Variants in SUCLG2 observed in about 807,000 individuals in gnomAD.
SUCLG2 encodes the protein succinate--CoA ligase [GDP-forming] subunit beta, mitochondrial.
SUCLG2 carries 42 observed loss-of-function variants against 47.9 expected under a neutral mutation model. The ratio of observed to expected loss-of-function variants is 0.88; its 90% CI spans 0.69 to 1.14. The LOEUF is 1.14. Ranked by LOEUF, SUCLG2 falls within the 50% of genes most tolerant of loss-of-function variation. The probability of loss-of-function intolerance (pLI) is 0.00; values close to 1 mark genes in which losing one functional copy is unlikely to be tolerated. For missense variants in SUCLG2, 571 were observed against 525.9 expected, an observed-to-expected ratio of 1.09 and a Z score of -0.84; for synonymous variants, 195 against 197.3, an observed-to-expected ratio of 0.99 and a Z score of 0.10.
intron 4 of SUCLG2, among the ~76,000 whole-genome samples, chr3:67,523,084 G>T (rs942388570): frequency 5.3e-5 from 8 of 152,192 alleles, no homozygotes; most frequent in Non-Finnish European, 1.2e-4. Context: ...AACGCACCCG[G>T]CCACATTGCT....
At chr3:67,453,101 C>A (rs1288606991) in intron 9 of SUCLG2, among the ~76,000 whole-genome samples, 1 of 152,038 alleles carries the variant, frequency 6.6e-6, no homozygotes, top group East Asian at 1.9e-4. Context: ...TCTTCTTTAC[C>A]CTGCAGCTGA....
At chr3:67,628,102 G>GC (rs1700865951) in intron 1 of SUCLG2, among the ~76,000 whole-genome samples, 1 of 151,954 alleles carries the variant, frequency 6.6e-6, no homozygotes, top group African/African-American at 2.4e-5. Context: ...TTTCTAACTG[G>GC]ACCCCAAATG....
At chr3:67,643,349 C>T (rs1240904372) in intron 1 of SUCLG2, among the ~76,000 whole-genome samples, 2 of 152,190 alleles carry the variant, frequency 1.3e-5, no homozygotes, top group Non-Finnish European at 2.9e-5. Context: ...GTAGAGCTTA[C>T]ATTTAATTCA....
intron 9 of SUCLG2, among the ~76,000 whole-genome samples, chr3:67,456,698 T>C (rs9820151): frequency 3.2e-4 from 48 of 152,314 alleles, no homozygotes; most frequent in African/African-American, 1.0e-3. Flanking sequence ...GGAGAAACTA[T>C]AAATAATGCA....
At chr3:67,642,383 T>A (rs961205541) in intron 1 of SUCLG2, among the ~76,000 whole-genome samples, 13 of 151,922 alleles carry the variant, frequency 8.6e-5, no homozygotes, top group African/African-American at 2.7e-4. Context: ...GGTGGGAGGA[T>A]CACTTGAGGC....
chr3:67,611,480 T>C (rs897697702), intron 1 of SUCLG2, among the ~76,000 whole-genome samples: 1 of 152,318 alleles, frequency 6.6e-6, no homozygotes, highest in African/African-American at 2.4e-5. Context: ...TAGCGTGTTA[T>C]ATAACATACA....
Position 67,389,291 on chromosome 3 carries a change from G to A in SUCLG2, c.1183+11440C>T, listed in dbSNP as rs145011818. 1.3e-3 allele frequency among the ~76,000 whole-genome samples: 191 copies of A among 152,196 alleles called. 7 individuals carry two copies. The South Asian group carries it at 0.03, about 24-fold the overall frequency. On this transcript the variant is annotated intron_variant, in intron 10 of 10. Transcript: ENST00000307227. ...TCAGAAAGGGAACTCAATAGAGAGC[G>A]TGGGAGAGGATCAGAGATGAAGCTG...
chr3:67,507,648 A>G (rs1362011421), intron 7 of SUCLG2, among the ~76,000 whole-genome samples: 3 of 152,200 alleles, frequency 2.0e-5, no homozygotes, highest in Admixed American at 2.0e-4. Context: ...AGGAAATGAT[A>G]GTGTAGTTTC....
intron 2 of SUCLG2, among the ~76,000 whole-genome samples, chr3:67,570,046 AC>A (rs1411156084): frequency 6.6e-6 from 1 of 152,190 alleles, no homozygotes; most frequent in Non-Finnish European, 1.5e-5. Flanking sequence ...CTAATCCAAT[AC>A]GATGATGATG....
intron 1 of SUCLG2, among the ~76,000 whole-genome samples, chr3:67,612,142 T>C (rs965237990): frequency 2.0e-5 from 3 of 152,156 alleles, no homozygotes; most frequent in Non-Finnish European, 2.9e-5. Flanking sequence ...GAGGATTGCT[T>C]GAGCCCAGTA....
rs565383592 is a variant in SUCLG2, at chr3:67,580,184, CTCT to C, written c.226+29268_226+29270del. 2.1e-3 allele frequency among the ~76,000 whole-genome samples: 313 copies of C among 151,984 alleles called. 2 individuals are homozygous for C. The highest frequency in any genetic ancestry group is 2.3e-3 in the Non-Finnish European group (158 of 67,996). On this transcript the variant is annotated intron_variant, in intron 2 of 10. Transcript: ENST00000307227. ...AAAGAATACAACGTAAAAATCCCTC[CTCT>C]TTTTTTTCTAGCATATTCAGATAAG...
At chr3:67,476,974 C>T (rs192206047) in intron 9 of SUCLG2, among the ~76,000 whole-genome samples, 2 of 152,270 alleles carry the variant, frequency 1.3e-5, no homozygotes, top group East Asian at 3.9e-4. Context: ...CTTGTGATAA[C>T]CTTGAGGAGG....
intron 4 of SUCLG2, among the ~76,000 whole-genome samples, chr3:67,525,213 T>C (rs1470146083): frequency 2.6e-5 from 4 of 152,224 alleles, no homozygotes; most frequent in Non-Finnish European, 5.9e-5. Context: ...TCCAAATTCA[T>C]ATACAGGTTT....
rs373052585 is a variant in SUCLG2, at chr3:67,480,365, C to T, written c.1062+15433G>A. On this transcript the variant is annotated intron_variant, in intron 9 of 10. Coordinates refer to ENST00000307227, the MANE Select transcript of SUCLG2 (RefSeq NM_003848.4). ...AGAAGGCTTGTTAAAACTCAGATTCCGGGGCCTCATCCCAGAGTTTCTGAC... is the reference window on the plus strand; with the variant it reads ...AGAAGGCTTGTTAAAACTCAGATTCTGGGGCCTCATCCCAGAGTTTCTGAC... Among the ~76,000 whole-genome samples the T allele has an allele frequency of 1.2e-4, 19 of 152,270 alleles. 1 individual carries two copies. The highest frequency in any genetic ancestry group is 6.8e-3 in the Middle Eastern group (2 of 294).
chr3:67,399,619 A>AT (rs150658664), intron 10 of SUCLG2, among the ~76,000 whole-genome samples: 10,943 of 152,060 alleles, frequency 0.072, 399 homozygotes, highest in Middle Eastern at 0.14. Context: ...AACAAATGTG[A>AT]TTTTTTTTAT....
chr3:67,427,501 T>C (rs1240259659), intron 9 of SUCLG2, among the ~76,000 whole-genome samples: 23 of 152,124 alleles, frequency 1.5e-4, no homozygotes, highest in Admixed American at 1.5e-3. Flanking sequence ...AAAACCTAAG[T>C]TAAATAGGAA....
Position 67,375,183 on chromosome 3 carries a change from G to A in SUCLG2, c.*561C>T, listed in dbSNP as rs1405838063. On this transcript the variant is annotated 3_prime_UTR_variant, in exon 11 of 11. Transcript: ENST00000307227. ...ATTAAATATATTTTGGAATACTCAC[G>A]GATTTTTCAAACATATGTTAGAATT... is the stretch of plus-strand genomic sequence containing the variant. The A allele has an allele frequency of 4.2e-5, 41 of 985,430 alleles. No homozygotes were observed. The South Asian group carries it at 4.7e-4, about 11-fold the overall frequency. 61.0% of individuals were successfully genotyped at this position (985,430 alleles called of 1,614,324 possible).
chr3:67,563,541 T>C (rs893255954), intron 2 of SUCLG2, among the ~76,000 whole-genome samples: 17 of 152,292 alleles, frequency 1.1e-4, no homozygotes, highest in Non-Finnish European at 2.1e-4. Context: ...CTCTAAAATA[T>C]TGTTCAGTGA....
At chr3:67,486,072 A>C (rs1705042134) in intron 9 of SUCLG2, among the ~76,000 whole-genome samples, 1 of 152,082 alleles carries the variant, frequency 6.6e-6, no homozygotes, top group Non-Finnish European at 1.5e-5. Context: ...GGAGTTTGAG[A>C]CCAGGCAGGG....
Sources: gnomAD v4.1 joint callset for allele counts (sites outside exome capture counted in the v4.1 genomes callset) on GRCh38, gnomAD v4.1.1 for gene constraint, MANE v1.5 for transcripts, NCBI Gene and HGNC (gene_info 2026-07-23, HGNC 2026-07-21) for gene names.